GSE1: variants seen among roughly 807,000 people sequenced by gnomAD.
The protein encoded by GSE1 is genetic suppressor element 1.
Under a neutral mutation model 112.6 loss-of-function variants are expected in GSE1, and 32 were observed. That is an observed-to-expected ratio of 0.28 (90% CI 0.21 to 0.38). The LOEUF is 0.38. Among genes scored for constraint, GSE1 ranks in the 10% least tolerant of loss-of-function variants. GSE1 has a pLI of 1.00. For synonymous variants in GSE1, 1,115 were observed against 735.6 expected (o/e 1.52, Z -8.35); for missense variants, 2,348 against 1,699.2 (o/e 1.38, Z -6.71).
chr16:85,403,141 T>C (rs2048158340), intron 2 of GSE1, among the ~76,000 whole-genome samples: 1 of 152,046 alleles, frequency 6.6e-6, no homozygotes, highest in South Asian at 2.1e-4. Context: ...CTCAGTTCCT[T>C]GCCGGATGCT....
At chr16:85,553,098 G>C (rs553003781), upstream of GSE1, among the ~76,000 whole-genome samples, 10 of 152,090 alleles carry the variant, frequency 6.6e-5, no homozygotes, top group African/African-American at 2.4e-4. Flanking sequence ...GTTTGTGAGG[G>C]GTTAGCGGGT....
At chr16:85,297,667 C>A (rs1336996496) in intron 1 of GSE1, among the ~76,000 whole-genome samples, 1 of 152,088 alleles carries the variant, frequency 6.6e-6, no homozygotes, top group Non-Finnish European at 1.5e-5. Context: ...AAGTGCCTGG[C>A]TAATTTTCCT....
In GSE1 at chr16:85,519,719, TCATCACCATCACCATCACCAC is replaced by T. The variant is rs1166937887; in HGVS notation, c.2465-114189_2465-114169del. On this transcript the variant is annotated intron_variant, in intron 2 of 2. Coordinates refer to the GSE1 transcript ENST00000637419. ...ACCACAGTCTCCATCACTGTCATCA[TCATCACCATCACCATCACCAC>T]CATCAGCATCACCATCACCACCATA... is the stretch of plus-strand genomic sequence containing the variant. Among the ~76,000 whole-genome samples the T allele has an allele frequency of 8.4e-4, 116 of 138,222 alleles. 3 individuals carry two copies. In the South Asian group the frequency reaches 0.021, roughly 25 times the overall value. 90.7% of individuals were successfully genotyped at this position (138,222 alleles called of 152,430 possible).
upstream of GSE1, chr16:85,554,758 C>G: frequency 3.8e-6 from 2 of 523,272 alleles, no homozygotes; most frequent in Non-Finnish European, 4.9e-6. Flanking sequence ...ACTCCCGGCT[C>G]CCGCAGCTGT....
intron 9 of GSE1, 65 bp from the exon 10 acceptor site, chr16:85,662,916 G>A: frequency 8.7e-7 from 1 of 1,144,268 alleles, no homozygotes; most frequent in Admixed American, 1.7e-5. Flanking sequence ...ATGAGGCCCT[G>A]CGGGCATGTC....
At position 85,296,296 on chromosome 16, in the gene GSE1, A is replaced by C. The variant is rs145393915; in HGVS notation, c.2284-61167A>C. Among the ~76,000 whole-genome samples, 442 of 152,266 alleles carry C rather than the reference A, an allele frequency of 2.9e-3. 6 individuals carry two copies. The highest frequency in any genetic ancestry group is 0.01 in the African/African-American group (418 of 41,544). On this transcript the variant is annotated intron_variant, in intron 1 of 2. Transcript: ENST00000637419. ...GGACACCCAGGCACAAAGCGGGGTCAGGTAGTTTCATTAAAACAAAACAAA... is the reference window on the plus strand; with the variant it reads ...GGACACCCAGGCACAAAGCGGGGTCCGGTAGTTTCATTAAAACAAAACAAA...
chr16:85,664,853 A>G, intron 11 of GSE1, 162 bp from the exon 12 acceptor site: 3 of 605,508 alleles, frequency 5.0e-6, no homozygotes, highest in Non-Finnish European at 8.9e-6. Context: ...TCGCTTTGAG[A>G]TGGTTGCTTC....
intron 1 of GSE1, among the ~76,000 whole-genome samples, chr16:85,334,596 G>C (rs1184484091): frequency 6.6e-6 from 1 of 152,206 alleles, no homozygotes; most frequent in African/African-American, 2.4e-5. Flanking sequence ...TGACTTTTGG[G>C]GACGCTTGGC....
At chr16:85,611,412 G>T (rs1227071647), upstream of GSE1, 1 of 958,512 alleles carries the variant, frequency 1.0e-6, no homozygotes, top group African/African-American at 1.8e-5. Flanking sequence ...CCGAGCCACC[G>T]TGTGGTGCGT....
intron 2 of GSE1, among the ~76,000 whole-genome samples, chr16:85,522,427 A>T (rs1176698110): frequency 2.1e-5 from 3 of 140,468 alleles, no homozygotes; most frequent in Non-Finnish European, 4.6e-5. Context: ...CAGGGTCAGT[A>T]GCACTCCCTC....
chr16:85,531,386 T>G (rs547277364), intron 2 of GSE1, among the ~76,000 whole-genome samples: 4 of 152,196 alleles, frequency 2.6e-5, no homozygotes, highest in Admixed American at 6.5e-5. Context: ...GTCATGGCCC[T>G]TGCTTGGGTA....
intron 1 of GSE1, among the ~76,000 whole-genome samples, chr16:85,304,490 G>T (rs1167682376): frequency 6.6e-6 from 1 of 152,036 alleles, no homozygotes; most frequent in African/African-American, 2.4e-5. Flanking sequence ...GCTCTGTGGA[G>T]CTCAGGCTCT....
At chr16:85,554,853 C>T (rs1160070925), upstream of GSE1, 3 of 984,548 alleles carry the variant, frequency 3.0e-6, no homozygotes, top group African/African-American at 3.5e-5. Context: ...GAGGGGGGGC[C>T]AGCGGCGCCC....
intron 1 of GSE1, chr16:85,556,397 CG>C: frequency 3.1e-6 from 3 of 971,030 alleles, no homozygotes; most frequent in Non-Finnish European, 3.7e-6. Flanking sequence ...GGGTCCCGCG[CG>C]GCGCCGGCGC....
intron 2 of GSE1, among the ~76,000 whole-genome samples, chr16:85,547,504 G>A: frequency 6.6e-6 from 1 of 152,072 alleles, no homozygotes. Flanking sequence ...TAAAAAACAT[G>A]TTTTTGGGGT....
chr16:85,486,068 C>T (rs1307413577), intron 2 of GSE1, among the ~76,000 whole-genome samples: 1 of 152,142 alleles, frequency 6.6e-6, no homozygotes, highest in Non-Finnish European at 1.5e-5. Flanking sequence ...GTGAGGGTGC[C>T]CACCTCAGGT....
chr16:85,304,506 G>C (rs955802050), intron 1 of GSE1, among the ~76,000 whole-genome samples: 2 of 151,222 alleles, frequency 1.3e-5, no homozygotes, highest in Non-Finnish European at 2.9e-5. Context: ...GCTCTCCCAT[G>C]CCAGGAGAAG....
intron 2 of GSE1, among the ~76,000 whole-genome samples, chr16:85,502,954 A>G (rs2051420597): frequency 6.6e-6 from 1 of 152,122 alleles, no homozygotes; most frequent in Admixed American, 6.5e-5. Context: ...GGATTATCGG[A>G]GGAGACAGAC....
chr16:85,670,840 G>A, intron 14 of GSE1, 155 bp from the exon 15 acceptor site: 1 of 583,472 alleles, frequency 1.7e-6, no homozygotes, highest in Non-Finnish European at 3.1e-6. Flanking sequence ...ACAATTCAAA[G>A]GGCTGGGAGC....
Sources: allele counts gnomAD v4.1 joint callset (sites outside exome capture counted in the v4.1 genomes callset), GRCh38; gene constraint gnomAD v4.1.1; transcripts MANE v1.5; gene names NCBI Gene and HGNC (gene_info 2026-07-23, HGNC 2026-07-21).